Variants in SDK1 observed in about 807,000 individuals in gnomAD.
The protein encoded by SDK1 is protein sidekick-1.
SDK1 carries 157 observed loss-of-function variants against 245.5 expected under a neutral mutation model. The ratio of observed to expected loss-of-function variants is 0.64; its 90% CI spans 0.56 to 0.73. The LOEUF is 0.73. Among genes scored for constraint, SDK1 ranks in the 30% least tolerant of loss-of-function variants. The probability of loss-of-function intolerance (pLI) is 0.00; values close to 1 mark genes in which losing one functional copy is unlikely to be tolerated. For missense variants in SDK1, 3,583 were observed against 3,002.3 expected (o/e 1.19, Z -4.52); for synonymous variants, 1,647 against 1,278.5 (o/e 1.29, Z -6.15).
chr7:3,321,849 C>G (rs1319171852), intron 1 of SDK1, among the ~76,000 whole-genome samples: 1 of 143,994 alleles, frequency 6.9e-6, no homozygotes, highest in Non-Finnish European at 1.5e-5. Flanking sequence ...CTCTCTCTCT[C>G]TCTCTTTCTC....
intron 2 of SDK1, among the ~76,000 whole-genome samples, chr7:3,626,833 C>G (rs1214441252): frequency 6.6e-6 from 1 of 152,078 alleles, no homozygotes; most frequent in Non-Finnish European, 1.5e-5. Context: ...CCACTGAGAA[C>G]TCAGATCTGT....
At chr7:4,008,088 A>G (rs1785635543) in intron 14 of SDK1, among the ~76,000 whole-genome samples, 1 of 151,668 alleles carries the variant, frequency 6.6e-6, no homozygotes, top group African/African-American at 2.4e-5. Context: ...TGCTCCTCCT[A>G]CTTTCTGTCT....
At chr7:4,264,533 C>G (rs1391872612) in intron 44 of SDK1, among the ~76,000 whole-genome samples, 53 of 131,736 alleles carry the variant, frequency 4.0e-4, no homozygotes, top group African/African-American at 1.4e-3. Flanking sequence ...TGAGGGAGGC[C>G]GCGTGGACCT....
chr7:3,705,030 C>G (rs980445982), intron 4 of SDK1, among the ~76,000 whole-genome samples: 2 of 152,152 alleles, frequency 1.3e-5, no homozygotes, highest in Non-Finnish European at 2.9e-5. Context: ...GCTCTCTACT[C>G]TGTTTCATTG....
chr7:3,356,216 C>G (rs1305669071), intron 1 of SDK1, among the ~76,000 whole-genome samples: 2 of 152,098 alleles, frequency 1.3e-5, no homozygotes, highest in East Asian at 1.9e-4. Context: ...TTGCCCTTCT[C>G]TAGTCATCCT....
intron 1 of SDK1, among the ~76,000 whole-genome samples, chr7:3,611,816 TCA>T (rs1201856963): frequency 6.6e-6 from 1 of 151,516 alleles, no homozygotes; most frequent in Non-Finnish European, 1.5e-5. Flanking sequence ...AATGAAAAAA[TCA>T]AAAAATAATA....
At position 3,805,592 on chromosome 7, in the gene SDK1, A is replaced by C. The variant is rs538437619; in HGVS notation, c.714-15858A>C. Among the ~76,000 whole-genome samples the C allele has an allele frequency of 4.2e-4, 64 of 152,298 alleles. 2 individuals are homozygous for C. The South Asian group carries it at 0.013, about 32-fold the overall frequency. On this transcript the variant is annotated intron_variant, in intron 4 of 44. Coordinates refer to ENST00000404826, the MANE Select transcript of SDK1 (RefSeq NM_152744.4). Reference sequence around the variant, plus strand: ...ATTTTGAGACCATAGCAGTTCCCCCAGTGGAGACTGTAGACTGTAGACTTA... The same window carrying C: ...ATTTTGAGACCATAGCAGTTCCCCCCGTGGAGACTGTAGACTGTAGACTTA...
rs760116241 is a variant in SDK1, at chr7:3,959,024, G to C, written c.1234+10G>C. The C allele has an allele frequency of 1.9e-6, 3 of 1,604,414 alleles. No individual in the cohort carries two copies. Among genetic ancestry groups the C allele is most frequent in the African/African-American group, 1.3e-5 (1 of 74,844 alleles). On this transcript the variant is annotated intron_variant, in intron 8 of 44. Coordinates refer to ENST00000404826, the MANE Select transcript of SDK1 (RefSeq NM_152744.4). The stretch of plus-strand genomic sequence containing the variant: ...GGATGTCAAGCCATGGGTGAGTGCA[G>C]AGTGGCTGCTGGACAAGGAGCCATG...
At chr7:4,250,714 C>G (rs1028779197) in intron 44 of SDK1, among the ~76,000 whole-genome samples, 1 of 152,182 alleles carries the variant, frequency 6.6e-6, no homozygotes, top group Admixed American at 6.5e-5. Flanking sequence ...TTTGGAAAGG[C>G]TGCCATCTTG....
At position 3,460,527 on chromosome 7, in the gene SDK1, A is replaced by G. The variant is rs117289295; in HGVS notation, c.299-158553A>G. On this transcript the variant is annotated intron_variant, in intron 1 of 44. Coordinates refer to ENST00000404826, the MANE Select transcript of SDK1 (RefSeq NM_152744.4). ...CTTTTAGAAGGGAAGGAATTCGGAT[A>G]ATTTATATGTCAGTGTGTCATAATA... Among the ~76,000 whole-genome samples the G allele has an allele frequency of 1.1e-3, 175 of 152,358 alleles. 1 individual carries two copies. In the East Asian group the frequency reaches 0.028, roughly 24 times the overall value.
intron 1 of SDK1, among the ~76,000 whole-genome samples, chr7:3,566,034 T>C (rs1440649880): frequency 1.3e-5 from 2 of 151,968 alleles, no homozygotes; most frequent in African/African-American, 4.8e-5. Flanking sequence ...TATCTATGAA[T>C]TAATAAGAAT....
chr7:3,907,795 G>A (rs1312438243), intron 5 of SDK1, among the ~76,000 whole-genome samples: 1 of 152,184 alleles, frequency 6.6e-6, no homozygotes, highest in Non-Finnish European at 1.5e-5. Flanking sequence ...TCAAAATTAA[G>A]AGCAAACTGC....
intron 1 of SDK1, among the ~76,000 whole-genome samples, chr7:3,474,185 C>T (rs938063546): frequency 7.1e-6 from 1 of 141,762 alleles, no homozygotes; most frequent in South Asian, 2.4e-4. Flanking sequence ...TCACTGCAAC[C>T]TCTGCCTCCT....
intron 1 of SDK1, among the ~76,000 whole-genome samples, chr7:3,351,336 C>T (rs1002586620): frequency 1.3e-5 from 2 of 151,936 alleles, no homozygotes; most frequent in African/African-American, 4.8e-5. Context: ...TGATATTACT[C>T]AACACAAGGA....
chr7:3,629,292 C>T (rs1428018860), intron 2 of SDK1, among the ~76,000 whole-genome samples: 1 of 146,242 alleles, frequency 6.8e-6, no homozygotes, highest in East Asian at 2.0e-4. Context: ...CAGTACAATT[C>T]TCAGTCTCAA....
intron 4 of SDK1, among the ~76,000 whole-genome samples, chr7:3,660,725 C>G (rs1007121015): frequency 6.6e-6 from 1 of 152,218 alleles, no homozygotes; most frequent in African/African-American, 2.4e-5. Context: ...GATTTCTCTT[C>G]ATGTTTTAGT....
At chr7:3,606,265 T>C (rs888147441) in intron 1 of SDK1, among the ~76,000 whole-genome samples, 18 of 152,300 alleles carry the variant, frequency 1.2e-4, no homozygotes, top group Non-Finnish European at 8.8e-5. Flanking sequence ...CCAGGTCTGA[T>C]CAACCATTGC....
intron 5 of SDK1, among the ~76,000 whole-genome samples, chr7:3,942,644 G>T (rs577341322): frequency 1.3e-5 from 2 of 152,290 alleles, no homozygotes; most frequent in South Asian, 4.1e-4. Context: ...TATTTTTGGA[G>T]CAGGAAGATA....
intron 1 of SDK1, among the ~76,000 whole-genome samples, chr7:3,476,331 C>T (rs932297893): frequency 1.3e-5 from 2 of 152,156 alleles, no homozygotes; most frequent in Admixed American, 6.5e-5. Flanking sequence ...TTTCAGTTGC[C>T]GTTACCGCTC....
Sources: gnomAD v4.1 joint callset for allele counts (sites outside exome capture counted in the v4.1 genomes callset) on GRCh38, gnomAD v4.1.1 for gene constraint, MANE v1.5 for transcripts, NCBI Gene and HGNC (gene_info 2026-07-23, HGNC 2026-07-21) for gene names.